Variants in CHRM3 observed in about 807,000 individuals in gnomAD.
CHRM3 encodes the protein muscarinic acetylcholine receptor M3.
In CHRM3, 11 loss-of-function variants were observed where a neutral mutation model predicts 41.8. The ratio of observed to expected loss-of-function variants is 0.26; its 90% CI spans 0.17 to 0.44. CHRM3 has a LOEUF of 0.44. Ranked by LOEUF, CHRM3 falls within the 20% of genes least tolerant of loss-of-function variation. The pLI, the probability that CHRM3 is intolerant of heterozygous loss-of-function variation, is 1.00. For synonymous variants in CHRM3, 297 were observed against 301.4 expected (o/e 0.99, Z 0.15); for missense variants, 571 against 745.4 (o/e 0.77, Z 2.72).
intron 5 of CHRM3, among the ~76,000 whole-genome samples, chr1:239,793,526 A>G (rs185546094): frequency 5.6e-4 from 85 of 152,342 alleles, no homozygotes; most frequent in African/African-American, 1.9e-3. Flanking sequence ...GATTTCTAAT[A>G]ATGTTCTAAT....
At chr1:239,764,706 G>A (rs1343513212) in intron 5 of CHRM3, among the ~76,000 whole-genome samples, 1 of 152,210 alleles carries the variant, frequency 6.6e-6, no homozygotes, top group Non-Finnish European at 1.5e-5. Flanking sequence ...GGGAAAATGA[G>A]CTGATAAATT....
At position 239,909,192 on chromosome 1, in the gene CHRM3, T is replaced by C. The variant is rs769107948; in HGVS notation, c.1741T>C (p.Phe581Leu). Reference protein sequence around the residue: ...QQYQQRQSVIFHKRAPEQAL With the variant: ...QQYQQRQSVILHKRAPEQAL Reference sequence around the variant, plus strand: ...GTACCAGCAGAGACAGTCGGTCATTTTTCACAAGCGCGCACCCGAGCAGGC... The same window carrying C: ...GTACCAGCAGAGACAGTCGGTCATTCTTCACAAGCGCGCACCCGAGCAGGC... Residue 581 changes from phenylalanine to leucine, a missense_variant, in exon 7 of 7, where the codon TTT becomes CTT. Phe to Leu is a conservative substitution (Grantham distance 22). This residue lies in a region of CHRM3 where 44 missense variants were observed against 39.7 expected (regional missense o/e 1.11). Coordinates refer to ENST00000676153, the MANE Select transcript of CHRM3 (RefSeq NM_001375978.1). The C allele has an allele frequency of 2.5e-6, 4 of 1,612,828 alleles. No individual in the cohort carries two copies. In the South Asian group the frequency reaches 4.4e-5, roughly 18 times the overall value.
intron 6 of CHRM3, among the ~76,000 whole-genome samples, chr1:239,896,727 G>A (rs1479893053): frequency 6.6e-6 from 1 of 152,134 alleles, no homozygotes. Context: ...CCTGTGCATT[G>A]TAGGATGTTT....
Position 239,695,866 on chromosome 1 carries a change from C to A in CHRM3, c.-147+17578C>A, listed in dbSNP as rs12087620. 3.7e-3 allele frequency among the ~76,000 whole-genome samples: 561 copies of A among 152,276 alleles called. 5 individuals carry two copies. Among genetic ancestry groups the A allele is most frequent in the African/African-American group, 0.013 (544 of 41,570 alleles). On this transcript the variant is annotated intron_variant, in intron 5 of 6. Coordinates refer to ENST00000676153, the MANE Select transcript of CHRM3 (RefSeq NM_001375978.1). The stretch of plus-strand genomic sequence containing the variant: ...ACTTTACTTGTTTGGGGAATACGCT[C>A]AAAAATTTGCACAATTCATGTGCAC...
intron 1 of CHRM3, among the ~76,000 whole-genome samples, chr1:239,430,105 T>C: frequency 6.6e-6 from 1 of 151,736 alleles, no homozygotes; most frequent in African/African-American, 2.4e-5. Context: ...TAGCTGGGAC[T>C]ACAGGCGCCC....
chr1:239,688,290 TG>T (rs1339717260), intron 5 of CHRM3, among the ~76,000 whole-genome samples: 51 of 147,244 alleles, frequency 3.5e-4, no homozygotes, highest in African/African-American at 1.2e-3. Flanking sequence ...TATATGTATA[TG>T]TGGGTATTTT....
At chr1:239,489,814 G>A (rs1430322172) in intron 1 of CHRM3, among the ~76,000 whole-genome samples, 3 of 152,158 alleles carry the variant, frequency 2.0e-5, no homozygotes, top group African/African-American at 7.2e-5. Context: ...TTATGAAAAT[G>A]TTTTGTTGTT....
At chr1:239,522,872 A>G (rs1669747806) in intron 2 of CHRM3, among the ~76,000 whole-genome samples, 1 of 152,118 alleles carries the variant, frequency 6.6e-6, no homozygotes, top group South Asian at 2.1e-4. Flanking sequence ...GTGTAGCAAA[A>G]TTTTGAACTT....
chr1:239,461,388 A>G (rs1572382561), intron 1 of CHRM3, among the ~76,000 whole-genome samples: 2 of 152,140 alleles, frequency 1.3e-5, no homozygotes, highest in African/African-American at 4.8e-5. Context: ...ATCTCAAGCT[A>G]GCTCAGGGGG....
chr1:239,821,935 A>G (rs1342900270), intron 5 of CHRM3, among the ~76,000 whole-genome samples: 1 of 152,082 alleles, frequency 6.6e-6, no homozygotes, highest in Non-Finnish European at 1.5e-5. Flanking sequence ...ACTGTCCAGC[A>G]TTTCCCCTGC....
In CHRM3 at chr1:239,523,823, C is replaced by T. The variant is rs572587477; in HGVS notation, c.-421-21818C>T. 1.6e-4 allele frequency among the ~76,000 whole-genome samples: 24 copies of T among 152,150 alleles called. No individual in the cohort carries two copies. In the South Asian group the frequency reaches 3.9e-3, roughly 25 times the overall value. On this transcript the variant is annotated intron_variant, in intron 2 of 6. Coordinates refer to ENST00000676153, the MANE Select transcript of CHRM3 (RefSeq NM_001375978.1). Reference sequence around the variant, plus strand: ...AACAGTATGATGGCATCAAGTAAAACGTTTTTGTTTACATTTTTGTGTAGT... The same window carrying T: ...AACAGTATGATGGCATCAAGTAAAATGTTTTTGTTTACATTTTTGTGTAGT...
chr1:239,893,134 G>T (rs1165930945), intron 6 of CHRM3, among the ~76,000 whole-genome samples: 4 of 152,138 alleles, frequency 2.6e-5, no homozygotes, highest in Non-Finnish European at 5.9e-5. Flanking sequence ...ACAGGATCCT[G>T]GTGAGGATTA....
chr1:239,696,011 A>G (rs1319598481), intron 5 of CHRM3, among the ~76,000 whole-genome samples: 2 of 152,182 alleles, frequency 1.3e-5, no homozygotes, highest in Admixed American at 1.3e-4. Context: ...CTTTTCATGT[A>G]TGTACTGACA....
intron 5 of CHRM3, chr1:239,705,446 A>C (rs971025773): frequency 6.6e-6 from 1 of 152,212 alleles, no homozygotes; most frequent in Admixed American, 6.5e-5. Flanking sequence ...TTCTGGAGGC[A>C]GGGTTGGCTC....
At chr1:239,404,469 A>AG (rs1558196189) in intron 1 of CHRM3, among the ~76,000 whole-genome samples, 16 of 86,254 alleles carry the variant, frequency 1.9e-4, no homozygotes, top group East Asian at 3.9e-4. Flanking sequence ...AAAGAAAGAA[A>AG]AAGAAAGAAA....
chr1:239,468,485 A>T (rs1468093762), intron 1 of CHRM3, among the ~76,000 whole-genome samples: 1 of 152,186 alleles, frequency 6.6e-6, no homozygotes. Flanking sequence ...TGTTTTTGGC[A>T]AAATGAAGGT....
chr1:239,679,034 T>TAGATAGAC (rs1018796111), intron 5 of CHRM3, among the ~76,000 whole-genome samples: 1 of 151,338 alleles, frequency 6.6e-6, no homozygotes, highest in Non-Finnish European at 1.5e-5. Context: ...GATGGATAGA[T>TAGATAGAC]AGATAGATAG....
chr1:239,570,641 G>T (rs1041991139), intron 3 of CHRM3, among the ~76,000 whole-genome samples: 1 of 151,970 alleles, frequency 6.6e-6, no homozygotes, highest in African/African-American at 2.4e-5. Flanking sequence ...CATTGATTAC[G>T]GCCATTGTTT....
At chr1:239,900,471 C>A (rs530625884) in intron 6 of CHRM3, among the ~76,000 whole-genome samples, 34 of 150,958 alleles carry the variant, frequency 2.3e-4, no homozygotes, top group African/African-American at 7.8e-4. Flanking sequence ...TGCTGAGCCT[C>A]CAGAGAACAG....
Sources: gnomAD v4.1 joint callset for allele counts (sites outside exome capture counted in the v4.1 genomes callset) on GRCh38, gnomAD v4.1.1 for gene constraint, gnomAD v4.1.1 regional missense constraint, MANE v1.5 for transcripts, NCBI Gene and HGNC (gene_info 2026-07-23, HGNC 2026-07-21) for gene names.